Variants in NXPH2 observed in about 807,000 individuals in gnomAD.
NXPH2 encodes the protein neurexophilin 2.
NXPH2 carries 5 observed loss-of-function variants against 19.8 expected under a neutral mutation model. The observed-to-expected ratio is 0.25, with a 90% CI of 0.13 to 0.53. The LOEUF is 0.53. Among genes scored for constraint, NXPH2 ranks in the 20% least tolerant of loss-of-function variants. The probability of loss-of-function intolerance (pLI) is 0.96; values close to 1 mark genes in which losing one functional copy is unlikely to be tolerated. For missense variants in NXPH2, 289 were observed against 322.8 expected (o/e 0.90, Z 0.80); for synonymous variants, 154 against 127.4 (o/e 1.21, Z -1.41).
chr2:138,735,170 C>T (rs1681519481), intron 1 of NXPH2, among the ~76,000 whole-genome samples: 1 of 152,150 alleles, frequency 6.6e-6, no homozygotes, highest in South Asian at 2.1e-4. Flanking sequence ...AATCAGCCTC[C>T]TATAATTCCA....
intron 1 of NXPH2, among the ~76,000 whole-genome samples, chr2:138,724,245 C>T (rs1293693893): frequency 6.6e-6 from 1 of 152,186 alleles, no homozygotes; most frequent in African/African-American, 2.4e-5. Context: ...CATGCAAAGG[C>T]ATGTCATGGT....
chr2:138,779,581 A>G (rs1450498775), intron 1 of NXPH2, among the ~76,000 whole-genome samples: 1 of 152,032 alleles, frequency 6.6e-6, no homozygotes, highest in Non-Finnish European at 1.5e-5. Flanking sequence ...CATGAAAGTT[A>G]TATCTTGTGT....
At chr2:138,700,483 AAG>A (rs1319397901) in intron 1 of NXPH2, among the ~76,000 whole-genome samples, 4 of 152,196 alleles carry the variant, frequency 2.6e-5, no homozygotes, top group African/African-American at 9.7e-5. Context: ...GAAAGGAAAA[AAG>A]AGAATTTTCA....
intron 1 of NXPH2, among the ~76,000 whole-genome samples, chr2:138,707,348 T>C (rs1046281713): frequency 4.6e-5 from 7 of 152,188 alleles, no homozygotes; most frequent in African/African-American, 1.7e-4. Context: ...GGTTTGATCC[T>C]ACATCAAATA....
At chr2:138,774,307 C>T (rs1056054944) in intron 1 of NXPH2, among the ~76,000 whole-genome samples, 1 of 152,142 alleles carries the variant, frequency 6.6e-6, no homozygotes, top group Non-Finnish European at 1.5e-5. Context: ...AAGTGCTCAT[C>T]AATTCTCTGT....
At chr2:138,685,916 G>T (rs750559940) in intron 1 of NXPH2, among the ~76,000 whole-genome samples, 5 of 152,040 alleles carry the variant, frequency 3.3e-5, no homozygotes, top group Admixed American at 3.3e-4. Context: ...TTTTTGACTT[G>T]GTTCTTCCTC....
At chr2:138,753,925 T>G (rs1378663764) in intron 1 of NXPH2, among the ~76,000 whole-genome samples, 1 of 152,200 alleles carries the variant, frequency 6.6e-6, no homozygotes, top group Non-Finnish European at 1.5e-5. Flanking sequence ...CCACTCATCA[T>G]TCATATATAC....
At chr2:138,746,603 C>G (rs892778218) in intron 1 of NXPH2, among the ~76,000 whole-genome samples, 12 of 152,202 alleles carry the variant, frequency 7.9e-5, no homozygotes, top group African/African-American at 2.7e-4. Context: ...GTCAGTCCTC[C>G]AGGAAGCTAA....
At chr2:138,765,868 T>A (rs1682081312) in intron 1 of NXPH2, among the ~76,000 whole-genome samples, 2 of 152,224 alleles carry the variant, frequency 1.3e-5, no homozygotes, top group African/African-American at 4.8e-5. Flanking sequence ...CAACCAATAT[T>A]TGTGATTGCC....
At chr2:138,775,001 T>G (rs536686027) in intron 1 of NXPH2, among the ~76,000 whole-genome samples, 1 of 152,238 alleles carries the variant, frequency 6.6e-6, no homozygotes, top group African/African-American at 2.4e-5. Context: ...CATTATAGTT[T>G]AAGTTTATAA....
intron 1 of NXPH2, among the ~76,000 whole-genome samples, chr2:138,701,116 T>C (rs1446587783): frequency 6.6e-6 from 1 of 152,118 alleles, no homozygotes; most frequent in Non-Finnish European, 1.5e-5. Context: ...AACAGTGCTG[T>C]TGTCAGGTTG....
At chr2:138,673,281 A>G (rs984493205) in intron 1 of NXPH2, among the ~76,000 whole-genome samples, 6 of 152,276 alleles carry the variant, frequency 3.9e-5, no homozygotes, top group Middle Eastern at 3.4e-3. Context: ...AGGCTGGCAG[A>G]TTCCCCAGGG....
chr2:138,720,360 G>T (rs1558921607), intron 1 of NXPH2, among the ~76,000 whole-genome samples: 1 of 152,196 alleles, frequency 6.6e-6, no homozygotes. Flanking sequence ...TTTACAGACA[G>T]CAGTGTTCAC....
intron 1 of NXPH2, among the ~76,000 whole-genome samples, chr2:138,705,256 G>A (rs1680991533): frequency 6.6e-6 from 1 of 152,074 alleles, no homozygotes; most frequent in African/African-American, 2.4e-5. Flanking sequence ...CAGCCACCAT[G>A]CCTGGCCAAT....
chr2:138,737,755 C>T (rs935481125), intron 1 of NXPH2, among the ~76,000 whole-genome samples: 6 of 152,240 alleles, frequency 3.9e-5, no homozygotes, highest in South Asian at 2.1e-4. Context: ...CTATAAAATA[C>T]ATGATTTTGA....
At chr2:138,763,481 T>C (rs75945877) in intron 1 of NXPH2, among the ~76,000 whole-genome samples, 8,251 of 152,284 alleles carry the variant, frequency 0.054, 306 homozygotes, top group South Asian at 0.086. Context: ...TCTTAAAATG[T>C]GGATGTTGTT....
chr2:138,698,264 T>C (rs930633688), intron 1 of NXPH2, among the ~76,000 whole-genome samples: 1 of 152,194 alleles, frequency 6.6e-6, no homozygotes, highest in Non-Finnish European at 1.5e-5. Flanking sequence ...ATATGGGGGA[T>C]ACTCATTTCT....
intron 1 of NXPH2, among the ~76,000 whole-genome samples, chr2:138,724,969 C>T (rs370360389): frequency 2.6e-5 from 4 of 152,322 alleles, no homozygotes; most frequent in South Asian, 4.1e-4. Context: ...CTGATTGCTA[C>T]TGAGCTCTCC....
intron 1 of NXPH2, among the ~76,000 whole-genome samples, chr2:138,770,268 A>T (rs183916215): frequency 9.7e-4 from 148 of 152,288 alleles, no homozygotes; most frequent in African/African-American, 3.5e-3. Context: ...TAATCTTTAT[A>T]CAAAAATCTG....
Sources: gnomAD v4.1 joint callset for allele counts (sites outside exome capture counted in the v4.1 genomes callset) on GRCh38, gnomAD v4.1.1 for gene constraint, MANE v1.5 for transcripts, NCBI Gene and HGNC (gene_info 2026-07-23, HGNC 2026-07-21) for gene names.